BRINP3: variants seen among roughly 807,000 people sequenced by gnomAD.
BRINP3 encodes the protein BMP/retinoic acid-inducible neural-specific protein 3.
In BRINP3, 19 loss-of-function variants were observed where a neutral mutation model predicts 71.0. The observed-to-expected ratio is 0.27, with a 90% CI of 0.19 to 0.39. BRINP3 has a LOEUF of 0.39. Ranked by LOEUF, BRINP3 falls within the 10% of genes least tolerant of loss-of-function variation. The probability of loss-of-function intolerance (pLI) is 1.00; values close to 1 mark genes in which losing one functional copy is unlikely to be tolerated. For synonymous variants in BRINP3, 380 were observed against 337.7 expected (o/e 1.13, Z -1.37); for missense variants, 959 against 940.8 (o/e 1.02, Z -0.25).
chr1:190,394,001 A>C (rs569832319), intron 2 of BRINP3, among the ~76,000 whole-genome samples: 102 of 151,738 alleles, frequency 6.7e-4, no homozygotes, highest in African/African-American at 2.3e-3. Context: ...CAAACTTCCA[A>C]GTATTTCATT....
chr1:190,265,922 A>G (rs1661621348), intron 3 of BRINP3, among the ~76,000 whole-genome samples: 1 of 152,188 alleles, frequency 6.6e-6, no homozygotes, highest in African/African-American at 2.4e-5. Context: ...ATATTGAAAC[A>G]TTGTGTGTTA....
At chr1:190,103,909 T>A (rs1651915674) in intron 7 of BRINP3, among the ~76,000 whole-genome samples, 1 of 138,880 alleles carries the variant, frequency 7.2e-6, no homozygotes, top group Non-Finnish European at 1.5e-5. Context: ...GGCCAGTCAC[T>A]TTTTTTTTTT....
chr1:190,160,933 A>G, intron 6 of BRINP3, 43 bp from the exon 7 acceptor site: 2 of 1,446,766 alleles, frequency 1.4e-6, no homozygotes, highest in Non-Finnish European at 1.9e-6. Context: ...TGAAACAATT[A>G]TTTTTTGTTT....
chr1:190,432,164 T>A (rs1674142560), intron 2 of BRINP3, among the ~76,000 whole-genome samples: 1 of 152,194 alleles, frequency 6.6e-6, no homozygotes, highest in African/African-American at 2.4e-5. Flanking sequence ...ATCCATACTT[T>A]ACTACTGCCT....
chr1:190,373,254 G>A (rs1277954609), intron 2 of BRINP3, among the ~76,000 whole-genome samples: 1 of 151,992 alleles, frequency 6.6e-6, no homozygotes, highest in Admixed American at 6.6e-5. Flanking sequence ...GCCAGGCGTG[G>A]TGGTGCATGC....
intron 6 of BRINP3, among the ~76,000 whole-genome samples, chr1:190,174,954 C>T (rs1652371463): frequency 6.6e-6 from 1 of 152,044 alleles, no homozygotes; most frequent in Admixed American, 6.6e-5. Context: ...TAGAGGTGAG[C>T]TTCTCTGACC....
chr1:190,401,345 C>A (rs1480577041), intron 2 of BRINP3, among the ~76,000 whole-genome samples: 2 of 129,380 alleles, frequency 1.5e-5, no homozygotes, highest in East Asian at 4.5e-4. Flanking sequence ...GCAACAGAAC[C>A]AGGCACCAGG....
chr1:190,129,159 T>A (rs1430352367), intron 7 of BRINP3, among the ~76,000 whole-genome samples: 3 of 151,852 alleles, frequency 2.0e-5, no homozygotes, highest in Non-Finnish European at 2.9e-5. Context: ...ACCACTCAGT[T>A]ATTGTCATCT....
chr1:190,255,034 G>GT (rs548822204), intron 4 of BRINP3, among the ~76,000 whole-genome samples: 4 of 146,634 alleles, frequency 2.7e-5, no homozygotes, highest in South Asian at 4.6e-4. Context: ...ATAATCATGT[G>GT]GTTTTTTTTT....
intron 6 of BRINP3, among the ~76,000 whole-genome samples, chr1:190,210,895 T>C (rs768952225): frequency 2.6e-5 from 4 of 152,084 alleles, no homozygotes; most frequent in Non-Finnish European, 5.9e-5. Context: ...GCGGAAGGAC[T>C]ACGCTTGTTG....
intron 2 of BRINP3, among the ~76,000 whole-genome samples, chr1:190,450,956 A>T (rs28712328): frequency 0.016 from 2,489 of 151,926 alleles, 65 homozygotes; most frequent in African/African-American, 0.053. Context: ...TTTAAATATA[A>T]TTTTTTTTCA....
chr1:190,278,447 G>A (rs1336733607), intron 3 of BRINP3, among the ~76,000 whole-genome samples: 4 of 151,572 alleles, frequency 2.6e-5, no homozygotes, highest in Non-Finnish European at 5.9e-5. Flanking sequence ...TAAACTCACA[G>A]CCACTAAAAA....
intron 2 of BRINP3, among the ~76,000 whole-genome samples, chr1:190,300,595 GCCT>G (rs1664603912): frequency 6.6e-6 from 1 of 152,140 alleles, no homozygotes; most frequent in Non-Finnish European, 1.5e-5. Context: ...CGGGCAGACT[GCCT>G]CCTCAAGTGG....
chr1:190,099,159 C>G, intron 7 of BRINP3, 25 bp from the exon 8 acceptor site: 1 of 1,599,338 alleles, frequency 6.3e-7, no homozygotes, highest in Non-Finnish European at 8.5e-7. Flanking sequence ...CAGAACGAAT[C>G]TACATAAATA....
At chr1:190,267,914 T>C (rs1036646616) in intron 3 of BRINP3, among the ~76,000 whole-genome samples, 4 of 152,050 alleles carry the variant, frequency 2.6e-5, no homozygotes, top group Admixed American at 6.5e-5. Flanking sequence ...ATACTGAAAA[T>C]GTAAAACTTC....
intron 7 of BRINP3, among the ~76,000 whole-genome samples, chr1:190,147,998 T>A (rs933365703): frequency 2.0e-5 from 3 of 152,248 alleles, no homozygotes; most frequent in African/African-American, 7.2e-5. Context: ...TCTTCCTTTG[T>A]GCCCATACAC....
chr1:190,376,680 C>T (rs917302792), intron 2 of BRINP3, among the ~76,000 whole-genome samples: 2 of 151,972 alleles, frequency 1.3e-5, no homozygotes, highest in Non-Finnish European at 2.9e-5. Flanking sequence ...TCAAACATTA[C>T]TTTCTTCCAA....
chr1:190,232,812 G>A (rs563413855), intron 5 of BRINP3, among the ~76,000 whole-genome samples: 23 of 152,036 alleles, frequency 1.5e-4, no homozygotes, highest in Non-Finnish European at 3.1e-4. Context: ...ATACAAATTG[G>A]TATAAACGTG....
chr1:190,467,186 G>A (rs1676815936), intron 1 of BRINP3, among the ~76,000 whole-genome samples: 1 of 151,434 alleles, frequency 6.6e-6, no homozygotes, highest in Non-Finnish European at 1.5e-5. Context: ...GGACATGTGT[G>A]CAAATAAAAT....
Sources: gnomAD v4.1 joint callset for allele counts (sites outside exome capture counted in the v4.1 genomes callset) on GRCh38, gnomAD v4.1.1 for gene constraint, MANE v1.5 for transcripts, NCBI Gene and HGNC (gene_info 2026-07-23, HGNC 2026-07-21) for gene names.